The following MGST2 variants were observed in gnomAD, a reference collection of about 807,000 sequenced individuals.
MGST2 encodes the protein microsomal glutathione S-transferase 2, also known as glutathione peroxidase MGST2.
MGST2 carries 9 observed loss-of-function variants against 16.6 expected under a neutral mutation model. The observed-to-expected ratio is 0.54, with a 90% CI of 0.33 to 0.95. The LOEUF (loss-of-function observed/expected upper bound fraction) is 0.95. Ranked by LOEUF, MGST2 falls within the 40% of genes least tolerant of loss-of-function variation. The pLI, the probability that MGST2 is intolerant of heterozygous loss-of-function variation, is 0.03. For missense variants in MGST2, 159 were observed against 175.1 expected (o/e 0.91, Z 0.52); for synonymous variants, 79 against 68.0 (o/e 1.16, Z -0.79).
intron 5 of MGST2, among the ~76,000 whole-genome samples, chr4:139,727,617 T>C (rs1326266599): frequency 6.6e-6 from 1 of 152,242 alleles, no homozygotes; most frequent in Non-Finnish European, 1.5e-5. Flanking sequence ...TGATGTAGAA[T>C]GTTTCTAAGT....
downstream of MGST2, among the ~76,000 whole-genome samples, chr4:139,745,179 C>T (rs771877197): frequency 5.3e-5 from 8 of 152,068 alleles, no homozygotes; most frequent in Non-Finnish European, 8.8e-5. Context: ...GGGAGGTGGC[C>T]ACCCAAAGTT....
intron 2 of MGST2, among the ~76,000 whole-genome samples, chr4:139,684,797 A>C (rs546235608): frequency 6.6e-6 from 1 of 152,250 alleles, no homozygotes; most frequent in African/African-American, 2.4e-5. Context: ...GCAGATTCTG[A>C]CTGTTTTCAG....
At chr4:139,734,112 A>G (rs1277198593) in intron 5 of MGST2, among the ~76,000 whole-genome samples, 1 of 152,246 alleles carries the variant, frequency 6.6e-6, no homozygotes, top group African/African-American at 2.4e-5. Context: ...GGTGTATTCC[A>G]AAGTGTGAAA....
chr4:139,684,189 G>A (rs1731424900), intron 2 of MGST2, among the ~76,000 whole-genome samples: 1 of 152,190 alleles, frequency 6.6e-6, no homozygotes, highest in African/African-American at 2.4e-5. Context: ...GCCTCCCAAA[G>A]TGCTGGGATT....
chr4:139,717,919 C>T (rs115815850), intron 5 of MGST2: 3,766 of 152,294 alleles, frequency 0.025, 75 homozygotes, highest in South Asian at 0.035. Flanking sequence ...CAGAGAACAA[C>T]TGTACAGGAC....
At chr4:139,729,504 T>G (rs1278397405) in intron 5 of MGST2, among the ~76,000 whole-genome samples, 3 of 152,224 alleles carry the variant, frequency 2.0e-5, no homozygotes, top group Non-Finnish European at 1.5e-5. Context: ...AGGAATATTC[T>G]AGAAGGATAA....
chr4:139,680,783 A>G (rs1170514952), intron 2 of MGST2, among the ~76,000 whole-genome samples: 10 of 152,090 alleles, frequency 6.6e-5, no homozygotes, highest in Non-Finnish European at 1.3e-4. Flanking sequence ...TTACCCTTAG[A>G]GTTTTTGAAA....
chr4:139,719,570 C>A (rs1200894327), intron 5 of MGST2: 6 of 1,613,530 alleles, frequency 3.7e-6, no homozygotes, highest in Non-Finnish European at 5.1e-6. Context: ...CGCTGGCATG[C>A]CTGGGACTCC....
At chr4:139,734,693 T>C (rs954187478) in intron 5 of MGST2, among the ~76,000 whole-genome samples, 1 of 152,224 alleles carries the variant, frequency 6.6e-6, no homozygotes, top group Non-Finnish European at 1.5e-5. Flanking sequence ...GGTAAAAATA[T>C]CTCCCAAGAA....
chr4:139,741,306 G>T (rs985078168), downstream of MGST2, among the ~76,000 whole-genome samples: 71 of 152,172 alleles, frequency 4.7e-4, 1 homozygote, highest in African/African-American at 1.5e-3. Flanking sequence ...GCCTATGGGG[G>T]ATCAGGGCAT....
rs549452061 is a variant in MGST2 at position 139,701,705 on chromosome 4, T to C, written c.230-1750T>C. 3.3e-4 allele frequency among the ~76,000 whole-genome samples: 50 copies of C among 152,234 alleles called. No homozygotes were observed. The South Asian group carries it at 1.0e-2, about 30-fold the overall frequency. On this transcript the variant is annotated intron_variant, in intron 3 of 4. Coordinates refer to ENST00000265498, the MANE Select transcript of MGST2 (RefSeq NM_002413.5). ...GGGGCTGGGTGTGGTGGCTCACACCTGCAATCCCAGCACTTTGGGAGGCCA... is the reference window on the plus strand; with the variant it reads ...GGGGCTGGGTGTGGTGGCTCACACCCGCAATCCCAGCACTTTGGGAGGCCA...
At chr4:139,736,763 T>C (rs994625416) in intron 5 of MGST2, among the ~76,000 whole-genome samples, 19 of 152,114 alleles carry the variant, frequency 1.2e-4, no homozygotes, top group African/African-American at 4.1e-4. Context: ...TTAGAACTTT[T>C]GGGGGTGTTT....
At chr4:139,701,099 TAAGAA>T (rs1484158051) in intron 3 of MGST2, among the ~76,000 whole-genome samples, 1 of 152,204 alleles carries the variant, frequency 6.6e-6, no homozygotes, top group Non-Finnish European at 1.5e-5. Context: ...TAACAACTAA[TAAGAA>T]AAGCGCCTTT....
chr4:139,738,282 G>A (rs564546669), intron 5 of MGST2, among the ~76,000 whole-genome samples: 20 of 152,348 alleles, frequency 1.3e-4, no homozygotes, highest in African/African-American at 4.3e-4. Flanking sequence ...GGTGGCTCAC[G>A]CCTGTAATCC....
the MGST2 span, among the ~76,000 whole-genome samples, chr4:139,753,340 T>C: frequency 3.5e-5 from 4 of 112,962 alleles, no homozygotes; most frequent in African/African-American, 1.3e-4. Context: ...CTTTTCTTTT[T>C]AATCTATCTA....
At chr4:139,705,105 A>G (rs1369992198), downstream of MGST2, among the ~76,000 whole-genome samples, 2 of 152,194 alleles carry the variant, frequency 1.3e-5, no homozygotes, top group African/African-American at 4.8e-5. Flanking sequence ...GGAGCCTCCA[A>G]CACATGGGCT....
At chr4:139,724,041 C>T (rs74868730) in intron 5 of MGST2, among the ~76,000 whole-genome samples, 3,280 of 152,274 alleles carry the variant, frequency 0.022, 53 homozygotes, top group South Asian at 0.034. Context: ...CCCACTCTTC[C>T]GAAGCTACCC....
chr4:139,666,712 C>A (rs1730374642), intron 1 of MGST2, among the ~76,000 whole-genome samples: 1 of 152,196 alleles, frequency 6.6e-6, no homozygotes, highest in Admixed American at 6.5e-5. Context: ...TTCATATTAT[C>A]TTACCTACAA....
At chr4:139,671,804 G>C (rs1420756487) in intron 1 of MGST2, among the ~76,000 whole-genome samples, 1 of 152,056 alleles carries the variant, frequency 6.6e-6, no homozygotes, top group East Asian at 1.9e-4. Flanking sequence ...ACTGCACCTG[G>C]CTAATTTTTG....
Sources: gnomAD v4.1 joint callset for allele counts (sites outside exome capture counted in the v4.1 genomes callset) on GRCh38, gnomAD v4.1.1 for gene constraint, MANE v1.5 for transcripts, NCBI Gene and HGNC (gene_info 2026-07-23, HGNC 2026-07-21) for gene names.